Variants in KCNIP4 observed in about 807,000 individuals in gnomAD.
KCNIP4 encodes Kv channel-interacting protein 4.
In KCNIP4, 12 loss-of-function variants were observed where a neutral mutation model predicts 34.0. That is an observed-to-expected ratio of 0.35 (90% confidence interval 0.23 to 0.57). KCNIP4 has a LOEUF of 0.57. Among genes scored for constraint, KCNIP4 ranks in the 20% least tolerant of loss-of-function variants. KCNIP4 has a pLI of 0.83. For synonymous variants in KCNIP4, 124 were observed against 102.2 expected (o/e 1.21, Z -1.29); for missense variants, 238 against 311.7 (o/e 0.76, Z 1.78).
At chr4:20,759,490 TG>T (rs1754766156) in intron 3 of KCNIP4, among the ~76,000 whole-genome samples, 1 of 152,154 alleles carries the variant, frequency 6.6e-6, no homozygotes, top group Non-Finnish European at 1.5e-5. Context: ...TGGCCTGGCC[TG>T]GGCTTAATAG....
rs545753427 is a variant in KCNIP4, at chr4:20,769,652, G to A, written c.289-10762C>T. ...TCTCACACTTCTGTGGGATAAAAGA[G>A]TCTGACATGGCTTAGCTGTGTGCTC... On this transcript the variant is annotated intron_variant, in intron 3 of 8. Coordinates refer to ENST00000382152, the MANE Select transcript of KCNIP4 (RefSeq NM_025221.6). Among the ~76,000 whole-genome samples, 16 of 152,298 alleles carry A rather than the reference G, an allele frequency of 1.1e-4. 1 individual carries two copies. Among genetic ancestry groups the A allele is most frequent in the South Asian group, 1.0e-3 (5 of 4,830 alleles).
rs2149243316 is a variant in KCNIP4, at chr4:20,729,619, T to TTAAATGGAATTACAGCATTC, written c.*443_*462dup. 1 of 69,920 alleles carries TTAAATGGAATTACAGCATTC rather than the reference T, an allele frequency of 1.4e-5. No individual in the cohort carries two copies. The highest frequency in any genetic ancestry group is 4.4e-4 in the South Asian group (1 of 2,272). The allele number at this position is 69,920 out of a possible 1,614,324, so 4.3% of individuals were successfully genotyped here. ...TTTCCTTAAAGTATATAAATGGAAT[T>TTAAATGGAATTACAGCATTC]TAAATGGAATTACAGCATTCAAACA... is the stretch of plus-strand genomic sequence containing the variant. On this transcript the variant is annotated 3_prime_UTR_variant, in exon 9 of 9. Transcript: ENST00000382152.
At chr4:21,893,320 T>A (rs1164590622) in intron 1 of KCNIP4, among the ~76,000 whole-genome samples, 1 of 152,190 alleles carries the variant, frequency 6.6e-6, no homozygotes, top group African/African-American at 2.4e-5. Flanking sequence ...TTATTTTCCC[T>A]CCACTTACGA....
At chr4:21,090,929 A>C (rs985486220) in intron 1 of KCNIP4, among the ~76,000 whole-genome samples, 1 of 152,236 alleles carries the variant, frequency 6.6e-6, no homozygotes, top group African/African-American at 2.4e-5. Context: ...AATCAGTGCC[A>C]ATTACATCTC....
chr4:20,969,851 TA>T (rs1734749189), intron 1 of KCNIP4, among the ~76,000 whole-genome samples: 1 of 151,956 alleles, frequency 6.6e-6, no homozygotes, highest in Non-Finnish European at 1.5e-5. Flanking sequence ...TAAATCTATA[TA>T]AAATTTTATA....
chr4:21,857,283 C>T (rs1724817986), intron 1 of KCNIP4, among the ~76,000 whole-genome samples: 2 of 152,166 alleles, frequency 1.3e-5, no homozygotes, highest in Admixed American at 6.5e-5. Context: ...GAGCTACCTA[C>T]CCCCAGGGTC....
chr4:21,048,573 T>A (rs1475422568), intron 1 of KCNIP4, among the ~76,000 whole-genome samples: 20 of 152,214 alleles, frequency 1.3e-4, no homozygotes, highest in Admixed American at 1.3e-3. Flanking sequence ...ACAGATTTTG[T>A]TGTATTTTCC....
chr4:21,105,765 G>A (rs990833755), intron 1 of KCNIP4, among the ~76,000 whole-genome samples: 32 of 151,500 alleles, frequency 2.1e-4, no homozygotes, highest in East Asian at 3.9e-4. Flanking sequence ...TTTGAGATAC[G>A]TCCCATCAAT....
rs138160693 is a variant in KCNIP4 at position 21,723,177 on chromosome 4, G to A, written c.61+225394C>T. ...TTCACATAGATGATATAAGTTCTTC[G>A]GGCATGTGGACTCAGATTTCACTTA... On this transcript the variant is annotated intron_variant, in intron 1 of 8. Coordinates refer to ENST00000382152, the MANE Select transcript of KCNIP4 (RefSeq NM_025221.6). Among the ~76,000 whole-genome samples the A allele has an allele frequency of 2.8e-3, 428 of 151,966 alleles. 2 individuals carry two copies. The highest frequency in any genetic ancestry group is 9.2e-3 in the African/African-American group (383 of 41,448).
intron 1 of KCNIP4, among the ~76,000 whole-genome samples, chr4:21,744,376 G>A (rs146848760): frequency 2.0e-5 from 3 of 152,110 alleles, no homozygotes; most frequent in Non-Finnish European, 4.4e-5. Context: ...AATTCCACTG[G>A]ACATACTTAC....
intron 1 of KCNIP4, among the ~76,000 whole-genome samples, chr4:21,859,793 C>A (rs1724967834): frequency 6.6e-6 from 1 of 152,124 alleles, no homozygotes; most frequent in Admixed American, 6.5e-5. Context: ...CTTTGGGAAG[C>A]TGAGGTGAGA....
intron 2 of KCNIP4, among the ~76,000 whole-genome samples, chr4:20,857,846 T>TTG (rs1209386152): frequency 6.6e-6 from 1 of 152,126 alleles, no homozygotes; most frequent in Non-Finnish European, 1.5e-5. Flanking sequence ...GTGGACTGAA[T>TTG]TGTGTCCCTC....
chr4:21,447,706 A>G (rs767772146), intron 1 of KCNIP4, among the ~76,000 whole-genome samples: 1 of 152,190 alleles, frequency 6.6e-6, no homozygotes, highest in Non-Finnish European at 1.5e-5. Flanking sequence ...TCAAATTTAC[A>G]TGAATATGAT....
At chr4:21,041,957 A>G (rs956599781) in intron 1 of KCNIP4, among the ~76,000 whole-genome samples, 1 of 152,204 alleles carries the variant, frequency 6.6e-6, no homozygotes, top group African/African-American at 2.4e-5. Context: ...AATAAAGACA[A>G]AATACCTAAC....
intron 1 of KCNIP4, among the ~76,000 whole-genome samples, chr4:21,495,519 G>A (rs1258307237): frequency 6.6e-5 from 10 of 152,086 alleles, no homozygotes; most frequent in East Asian, 1.9e-4. Context: ...TTAATGATCC[G>A]ATGATGATAA....
intron 1 of KCNIP4, among the ~76,000 whole-genome samples, chr4:20,983,318 C>T (rs1208633837): frequency 6.6e-6 from 1 of 152,164 alleles, no homozygotes; most frequent in African/African-American, 2.4e-5. Context: ...GCTGAGCACC[C>T]ATTAACTCAA....
At chr4:20,978,011 A>T (rs2149686637) in intron 1 of KCNIP4, among the ~76,000 whole-genome samples, 1 of 152,358 alleles carries the variant, frequency 6.6e-6, no homozygotes, top group South Asian at 2.1e-4. Flanking sequence ...CCTTCCACAC[A>T]GTAATACATA....
In KCNIP4 at chr4:21,837,331, C is replaced by T. The variant is rs559538377; in HGVS notation, c.61+111240G>A. 3.6e-3 allele frequency among the ~76,000 whole-genome samples: 534 copies of T among 149,942 alleles called. 3 individuals carry two copies. Among genetic ancestry groups the T allele is most frequent in the African/African-American group, 0.011 (455 of 41,144 alleles). On this transcript the variant is annotated intron_variant, in intron 1 of 8. Coordinates refer to ENST00000382152, the MANE Select transcript of KCNIP4 (RefSeq NM_025221.6). ...GGTGGATCACCTGAGGTCAGGAGTT[C>T]GAGACCAGGCTGGCCAACATGGTGA...
chr4:21,860,010 C>T (rs1427157460), intron 1 of KCNIP4, among the ~76,000 whole-genome samples: 1 of 152,170 alleles, frequency 6.6e-6, no homozygotes, highest in Non-Finnish European at 1.5e-5. Context: ...CACTGCACTC[C>T]AGGCTGGACA....
Sources: allele counts gnomAD v4.1 joint callset (sites outside exome capture counted in the v4.1 genomes callset), GRCh38; gene constraint gnomAD v4.1.1; transcripts MANE v1.5; gene names NCBI Gene and HGNC (gene_info 2026-07-23, HGNC 2026-07-21).